The following TGM5 variants were observed in gnomAD, a reference collection of about 807,000 sequenced individuals.
The protein encoded by TGM5 is transglutaminase 5, also known as protein-glutamine gamma-glutamyltransferase 5.
TGM5 carries 69 observed loss-of-function variants against 77.2 expected under a neutral mutation model. That is an observed-to-expected ratio of 0.89 (90% CI 0.74 to 1.09). TGM5 has a LOEUF of 1.09. TGM5 is among the 50% of genes least tolerant of loss of function. The pLI is 0.00. For synonymous variants in TGM5, 346 were observed against 351.8 expected, an observed-to-expected ratio of 0.98 and a Z score of 0.18; for missense variants, 842 against 896.5, an observed-to-expected ratio of 0.94 and a Z score of 0.78.
Position 43,235,776 on chromosome 15 carries a change from G to A in TGM5, c.1407C>T (p.Phe469=). 1.2e-6 allele frequency: 2 copies of A among 1,614,188 alleles called. No individual in the cohort carries two copies. The part of the protein sequence containing the change: ...KALQKLKARS[F]HGSQRGAELQ... ...ACTCTGCTCCTCTTTGGGAGCCATG[G>A]AAGCTTCTAGCCTTCAGCTTCTGCA... Residue 469 remains phenylalanine (F), a synonymous_variant, in exon 10 of 13, where the codon TTC becomes TTT. Transcript: ENST00000220420.
At chr15:43,234,675 C>A (rs1005807520) in intron 11 of TGM5, 94 bp downstream of exon 11, 14 of 1,523,670 alleles carry the variant, frequency 9.2e-6, no homozygotes, top group Non-Finnish European at 1.3e-5. Context: ...GGGATGCTCT[C>A]CTAAGCAGGC....
rs765845607 is a variant in TGM5, at chr15:43,239,191, C to A, written c.1077G>T (p.Leu359=). ...TGCTCATCTCCTGAGGTGTGGCGTCCAGCACCTGCCAGCCTCCATATGCAG... is the reference window on the plus strand; with the variant it reads ...TGCTCATCTCCTGAGGTGTGGCGTCAAGCACCTGCCAGCCTCCATATGCAG... ...LPPAYGGWQV[L]DATPQEMSNG... is the part of the protein sequence containing the mutation. Residue 359 remains leucine, a synonymous_variant, in exon 8 of 13, where the codon CTG becomes CTT. Transcript: ENST00000220420. 32 of 1,614,136 alleles carry A rather than the reference C, an allele frequency of 2.0e-5. 1 individual carries two copies. In the South Asian group the frequency reaches 3.0e-4, roughly 15 times the overall value.
At chr15:43,258,983 G>A (rs997469525) in intron 3 of TGM5, among the ~76,000 whole-genome samples, 2 of 152,208 alleles carry the variant, frequency 1.3e-5, no homozygotes, top group African/African-American at 4.8e-5. Flanking sequence ...GGACAGGGAA[G>A]CGGGTAGTGG....
Position 43,266,887 on chromosome 15 carries a change from A to C in TGM5, c.-38T>G. 6.2e-7 allele frequency: 1 copy of C among 1,613,782 alleles called. No homozygotes were observed. The highest frequency in any genetic ancestry group is 8.5e-7 in the Non-Finnish European group (1 of 1,179,960). On this transcript the variant is annotated 5_prime_UTR_variant, in exon 1 of 13. Coordinates refer to ENST00000220420, the MANE Select transcript of TGM5 (RefSeq NM_201631.4). Reference sequence around the variant, plus strand: ...CGGTTCCTGGGATGCTCCCCACAGAACAGCTGGGCGGTCTGGAGCTTCAGC... The same window carrying C: ...CGGTTCCTGGGATGCTCCCCACAGACCAGCTGGGCGGTCTGGAGCTTCAGC...
At position 43,233,553 on chromosome 15, in the gene TGM5, C is replaced by G. The variant is rs375938677; in HGVS notation, c.2009+1G>C. 6.2e-7 allele frequency: 1 copy of G among 1,614,188 alleles called. No homozygotes were observed. The highest frequency in any genetic ancestry group is 1.7e-5 in the Admixed American group (1 of 60,030). ...GAAGGCTGAGCACTTGCAGCACTTA[C>G]AAGACTTTCTGCTGTTTCTTGAAGA... On this transcript the variant is annotated splice_donor_variant, in intron 12 of 12. Transcript: ENST00000220420. LOFTEE classifies it high-confidence loss of function.
Position 43,238,953 on chromosome 15 carries a change from G to A in TGM5, c.1209C>T (p.Cys403=), listed in dbSNP as rs375801160. Residue 403 remains cysteine, a synonymous_variant, in exon 9 of 13, where the codon TGC becomes TGT. Coordinates refer to ENST00000220420, the MANE Select transcript of TGM5 (RefSeq NM_201631.4). ...PFVFSMVNAD[C]MSWLVQGGKE... Reference sequence around the variant, plus strand: ...TCCCTCCCTGGACGAGCCAGGACATGCAGTCAGCATTCACCATCGAAAACA... The same window carrying A: ...TCCCTCCCTGGACGAGCCAGGACATACAGTCAGCATTCACCATCGAAAACA... 1.2e-4 allele frequency: 186 copies of A among 1,614,212 alleles called. 3 individuals carry two copies. In the South Asian group the frequency reaches 1.5e-3, roughly 13 times the overall value.
intron 6 of TGM5, among the ~76,000 whole-genome samples, chr15:43,246,860 A>T (rs901877643): frequency 4.6e-5 from 7 of 152,206 alleles, no homozygotes; most frequent in African/African-American, 7.2e-5. Context: ...AGTCTTCAGA[A>T]GAGGCATGAC....
chr15:43,259,183 C>G (rs1163574135), intron 3 of TGM5, among the ~76,000 whole-genome samples: 2 of 152,102 alleles, frequency 1.3e-5, no homozygotes, highest in African/African-American at 4.8e-5. Context: ...ACTCCTGACC[C>G]CTTCTGCCCA....
At chr15:43,263,113 T>C (rs1049500836) in intron 1 of TGM5, among the ~76,000 whole-genome samples, 2 of 152,116 alleles carry the variant, frequency 1.3e-5, no homozygotes, top group South Asian at 2.1e-4. Context: ...AAGAAAATAA[T>C]TCCATTTATA....
chr15:43,261,090 T>TTG (rs1566837517), intron 1 of TGM5, among the ~76,000 whole-genome samples: 12,766 of 96,742 alleles, frequency 0.13, 1,264 homozygotes, highest in Middle Eastern at 0.2. Flanking sequence ...TTTTTTTTTT[T>TTG]TTTTTTTTTT....
At chr15:43,250,639 T>C (rs918856895) in intron 6 of TGM5, among the ~76,000 whole-genome samples, 1 of 152,220 alleles carries the variant, frequency 6.6e-6, no homozygotes, top group East Asian at 1.9e-4. Flanking sequence ...AAATCTTTAA[T>C]TTTAACTTTG....
chr15:43,244,475 G>C (rs2042658254), intron 6 of TGM5, among the ~76,000 whole-genome samples: 1 of 152,172 alleles, frequency 6.6e-6, no homozygotes, highest in African/African-American at 2.4e-5. Flanking sequence ...CCCATGTGTG[G>C]CATCTGTGCT....
Position 43,266,858 on chromosome 15 carries a change from C to T in TGM5, c.-9G>A, listed in dbSNP as rs535037833. Reference sequence around the variant, plus strand: ...TCCCTACCTTGGGCCATGGTAGCTGCCTCCGGTTCCTGGGATGCTCCCCAC... The same window carrying T: ...TCCCTACCTTGGGCCATGGTAGCTGTCTCCGGTTCCTGGGATGCTCCCCAC... On this transcript the variant is annotated 5_prime_UTR_variant, in exon 1 of 13. Coordinates refer to ENST00000220420, the MANE Select transcript of TGM5 (RefSeq NM_201631.4). 478 of 1,614,128 alleles carry T rather than the reference C, an allele frequency of 3.0e-4. 10 individuals carry two copies. In the South Asian group the frequency reaches 5.1e-3, roughly 17 times the overall value.
In TGM5 at chr15:43,234,918, G is replaced by C; in HGVS notation, c.1726C>G (p.Pro576Ala). The change falls in exon 11 of 13, where the codon CCC (proline) becomes GCC (alanine). Residue 576 changes from proline to alanine, a missense_variant. Pro to Ala is a conservative substitution (Grantham distance 27, BLOSUM62 -1). This residue lies in a region of TGM5 where 815 missense variants were observed against 844.6 expected (regional missense o/e 0.96). Transcript: ENST00000220420. ...TACTGGGAATAGGAGATTTTGCAGG[G>C]GTAGGTCTTTGCTAAAGAAAGAACA... ...TLSPKEAKTY[P>A]CKISYSQYSQ... 6.2e-7 allele frequency: 1 copy of C among 1,614,056 alleles called. No individual in the cohort carries two copies.
At chr15:43,256,039 C>T (rs543390797) in intron 4 of TGM5, among the ~76,000 whole-genome samples, 1 of 152,236 alleles carries the variant, frequency 6.6e-6, no homozygotes, top group African/African-American at 2.4e-5. Flanking sequence ...AAAGATGTAT[C>T]ATCAAAAAGA....
At chr15:43,242,976 G>T (rs563673301) in intron 6 of TGM5, among the ~76,000 whole-genome samples, 1 of 152,300 alleles carries the variant, frequency 6.6e-6, no homozygotes, top group African/African-American at 2.4e-5. Flanking sequence ...AGGGAGAGCA[G>T]GGAGCAAGCC....
intron 3 of TGM5, among the ~76,000 whole-genome samples, chr15:43,258,763 A>G (rs2042762119): frequency 6.6e-6 from 1 of 152,162 alleles, no homozygotes; most frequent in African/African-American, 2.4e-5. Flanking sequence ...CCCTAGGCCC[A>G]GTGTTGGGTC....
rs1469202330 is a variant in TGM5, at chr15:43,235,799, G to T, written c.1384C>A (p.Gln462Lys). The T allele has an allele frequency of 1.2e-6, 2 of 1,614,126 alleles. No individual in the cohort carries two copies. Among genetic ancestry groups the T allele is most frequent in the Non-Finnish European group, 1.7e-6 (2 of 1,180,026 alleles). The change falls in exon 10 of 13, where the codon CAG (glutamine) becomes AAG (lysine). Residue 462 changes from glutamine (Q) to lysine (K), a missense_variant. Around this residue, in one of 2 missense-constraint regions of TGM5, gnomAD observed 815 missense variants for 844.6 expected, o/e 0.96. Transcript: ENST00000220420. Reference sequence around the variant, plus strand: ...TGGAAGCTTCTAGCCTTCAGCTTCTGCAGAGCCTTCAGAAACACCTGCCTC... The same window carrying T: ...TGGAAGCTTCTAGCCTTCAGCTTCTTCAGAGCCTTCAGAAACACCTGCCTC... ...QERQVFLKAL[Q>K]KLKARSFHGS...
intron 11 of TGM5, 143 bp from the exon 12 acceptor site, chr15:43,233,830 C>T (rs956926360): frequency 3.0e-6 from 3 of 1,005,022 alleles, no homozygotes; most frequent in Non-Finnish European, 4.6e-6. Flanking sequence ...GAGCCGAAGA[C>T]AATTGAGAAG....
Sources: gnomAD v4.1 joint callset for allele counts (sites outside exome capture counted in the v4.1 genomes callset) on GRCh38, gnomAD v4.1.1 for gene constraint, gnomAD v4.1.1 regional missense constraint, MANE v1.5 for transcripts, NCBI Gene and HGNC (gene_info 2026-07-23, HGNC 2026-07-21) for gene names.